The following MYH8 variants were observed in gnomAD, a reference collection of about 807,000 sequenced individuals.
MYH8 encodes myosin heavy chain 8, also known as myosin-8.
Under a neutral mutation model 233.2 loss-of-function variants are expected in MYH8, and 168 were observed. The observed-to-expected ratio is 0.72, with a 90% CI of 0.64 to 0.82. The LOEUF is 0.82. Among genes scored for constraint, MYH8 ranks in the 40% least tolerant of loss-of-function variants. The pLI, the probability that MYH8 is intolerant of heterozygous loss-of-function variation, is 0.00. For missense variants in MYH8, 1,995 were observed against 2,327.8 expected (o/e 0.86, Z 2.94); for synonymous variants, 785 against 850.6 (o/e 0.92, Z 1.34).
At chr17:10,407,064 C>T in intron 17 of MYH8, 85 bp from the exon 18 acceptor site, 1 of 978,908 alleles carries the variant, frequency 1.0e-6, no homozygotes, top group Non-Finnish European at 1.6e-6. Context: ...CCTAGACAGT[C>T]CTTTAACTAC....
Position 10,414,478 on chromosome 17 carries a change from A to C in MYH8, c.812T>G (p.Leu271Ter). 6.2e-7 allele frequency: 1 copy of C among 1,604,220 alleles called. No individual in the cohort carries two copies. Among genetic ancestry groups the C allele is most frequent in the Non-Finnish European group, 8.5e-7 (1 of 1,171,206 alleles). ...LASADIETYL[L>*]EKSRVTFQLK... is the part of the protein sequence containing the mutation. ...CTGGAAAGTAACTCTGGACTTTTCTAAAAGATCTGGAGAGGGAAATAGATA... is the reference window on the plus strand; with the variant it reads ...CTGGAAAGTAACTCTGGACTTTTCTCAAAGATCTGGAGAGGGAAATAGATA... The change falls in exon 10 of 40, where the codon TTA becomes TGA. Residue 271 changes from leucine to a stop codon, truncating the protein, a stop_gained. Coordinates refer to ENST00000403437, the MANE Select transcript of MYH8 (RefSeq NM_002472.3). LOFTEE classifies it high-confidence loss of function.
rs372076449 is a variant in MYH8, at chr17:10,420,038, C to T, written c.190G>A (p.Val64Ile). The T allele has an allele frequency of 2.2e-5, 36 of 1,614,030 alleles. No homozygotes were observed. The highest frequency in any genetic ancestry group is 2.7e-5 in the African/African-American group (2 of 74,932). Residue 64 changes from valine to isoleucine, a missense_variant, in exon 3 of 40, where the codon GTA becomes ATA. Coordinates refer to ENST00000403437, the MANE Select transcript of MYH8 (RefSeq NM_002472.3). ...IQSKEGGKVT[V>I]KTEGGATLTV... ...CTTACTGCTCCACCTTCAGTCTTTACGGTTACTTTCCCTCCTTCTTTGCTT... is the reference window on the plus strand; with the variant it reads ...CTTACTGCTCCACCTTCAGTCTTTATGGTTACTTTCCCTCCTTCTTTGCTT...
At chr17:10,407,578 C>T (rs953380355) in intron 17 of MYH8, among the ~76,000 whole-genome samples, 13 of 152,020 alleles carry the variant, frequency 8.6e-5, no homozygotes, top group Admixed American at 7.9e-4. Context: ...TGGTGGCTCA[C>T]GCCTGTAATC....
Position 10,398,548 on chromosome 17 carries a change from A to G in MYH8, c.4074T>C (p.Ala1358=), listed in dbSNP as rs1427254249. 6.2e-7 allele frequency: 1 copy of G among 1,614,196 alleles called. No individual in the cohort carries two copies. ...EQYEEEQEGK[A]ELQRALSKAN... is the part of the protein sequence containing the mutation. ...CCTTGGACAGCGCCCTCTGCAGCTC[A>G]GCTTTGCCTTCCTGCTCTTCCTCAT... is the stretch of plus-strand genomic sequence containing the variant. The change falls in exon 30 of 40, where the codon GCT becomes GCC. Residue 1358 remains alanine (A), a synonymous_variant. Coordinates refer to ENST00000403437, the MANE Select transcript of MYH8 (RefSeq NM_002472.3).
At chr17:10,406,846 C>T (rs1483935670) in intron 18 of MYH8, 39 bp from the exon 19 acceptor site, 1 of 1,612,956 alleles carries the variant, frequency 6.2e-7, no homozygotes, top group East Asian at 2.2e-5. Context: ...GGGCATTTAA[C>T]TTTCAAACCT....
At chr17:10,399,053 C>T (rs980397476) in intron 28 of MYH8, among the ~76,000 whole-genome samples, 167 bp from the exon 29 acceptor site, 26 of 146,932 alleles carry the variant, frequency 1.8e-4, no homozygotes, top group African/African-American at 6.2e-4. Flanking sequence ...ATGCTTGGGA[C>T]CAGAAGTGTT....
intron 2 of MYH8, among the ~76,000 whole-genome samples, chr17:10,420,620 T>C (rs1159160054): frequency 6.6e-6 from 1 of 152,262 alleles, no homozygotes; most frequent in African/African-American, 2.4e-5. Context: ...CTATGCCATA[T>C]GCCAGGACAA....
intron 33 of MYH8, among the ~76,000 whole-genome samples, chr17:10,395,915 G>A (rs1213026964): frequency 6.6e-6 from 1 of 152,012 alleles, no homozygotes; most frequent in African/African-American, 2.4e-5. Context: ...TTAATATGGT[G>A]TATTTTTTCT....
At chr17:10,398,697 C>T in intron 29 of MYH8, 57 bp from the exon 30 acceptor site, 1 of 1,614,044 alleles carries the variant, frequency 6.2e-7, no homozygotes, top group Non-Finnish European at 8.5e-7. Flanking sequence ...ATTTAACTTA[C>T]ACATCCCAAG....
chr17:10,418,751 C>T lies in MYH8; in HGVS notation c.405G>A (p.Pro135=), dbSNP rs775704195. ...CAGCCACCACCTCGGGCTTGTACAC[C>T]GGCAGCCACTTGTAGGGGTTGACGG... ...CVTVNPYKWL[P]VYKPEVVAAY... is the part of the protein sequence containing the mutation. The change falls in exon 5 of 40, where the codon CCG becomes CCA. Residue 135 remains proline (P), a synonymous_variant. Transcript: ENST00000403437. 33 of 1,613,764 alleles carry T rather than the reference C, an allele frequency of 2.0e-5. No homozygotes were observed. The highest frequency in any genetic ancestry group is 5.0e-5 in the Admixed American group (3 of 59,992).
In MYH8 at chr17:10,406,048, G is replaced by C. The variant is rs1015870097; in HGVS notation, c.2425C>G (p.Gln809Glu). ...LMRVEYQKML[Q>E]RREALFCIQY... Reference sequence around the variant, plus strand: ...ATTCTGAATGATTGTTACCTCCTTTGCAACATCTTCTGATATTCTACCCTC... The same window carrying C: ...ATTCTGAATGATTGTTACCTCCTTTCCAACATCTTCTGATATTCTACCCTC... The change falls in exon 21 of 40, where the codon CAA becomes GAA. Residue 809 changes from glutamine (Q) to glutamate (E), a missense_variant. Transcript: ENST00000403437. The C allele has an allele frequency of 1.9e-6, 3 of 1,613,654 alleles. No individual in the cohort carries two copies. The highest frequency in any genetic ancestry group is 2.5e-6 in the Non-Finnish European group (3 of 1,179,876).
rs754915968 is a variant in MYH8 at position 10,409,530 on chromosome 17, G to T, written c.1646C>A (p.Thr549Asn). 15 of 1,614,220 alleles carry T rather than the reference G, an allele frequency of 9.3e-6. 1 individual carries two copies. The East Asian group carries it at 1.8e-4, about 19-fold the overall frequency. ...EECMFPKATD[T>N]SFKNKLYDQH... ...GTCATACAGCTTGTTCTTGAAGGAGGTGTCCGTTGCCTTAGGGAACATGCA... is the reference window on the plus strand; with the variant it reads ...GTCATACAGCTTGTTCTTGAAGGAGTTGTCCGTTGCCTTAGGGAACATGCA... Residue 549 changes from threonine to asparagine, a missense_variant, in exon 16 of 40, where the codon ACC becomes AAC. By Grantham distance (65) the Thr-to-Asn change is moderately conservative (BLOSUM62 0). Coordinates refer to ENST00000403437, the MANE Select transcript of MYH8 (RefSeq NM_002472.3).
chr17:10,400,632 C>T lies in MYH8; in HGVS notation c.3493G>A (p.Glu1165Lys). The part of the protein sequence containing the change: ...EAGGATSAQV[E>K]LNKKREAEFQ... The stretch of plus-strand genomic sequence containing the variant: ...TCAGCCTCCCGCTTCTTGTTCAATT[C>T]CACCTGAGCAGAAGTTGCCCCACCG... The change falls in exon 27 of 40, where the codon GAA (glutamate) becomes AAA (lysine). Residue 1165 changes from glutamate to lysine, a missense_variant. Physicochemically the swap from Glu to Lys is moderately conservative, Grantham distance 56. Transcript: ENST00000403437. The surrounding 1 kb of genome is among the most constrained non-coding windows in gnomAD (Gnocchi z 4.0). 2 of 1,614,212 alleles carry T rather than the reference C, an allele frequency of 1.2e-6. No homozygotes were observed.
rs374797882 is a variant in MYH8, at chr17:10,405,956, C to T, written c.2432+85G>A. The stretch of plus-strand genomic sequence containing the variant: ...ATTGGGTGAGAGGAACTATTAGCCA[C>T]CAAATGAAAGAATTAATGAATGAAC... On this transcript the variant is annotated intron_variant, in intron 21 of 39. Coordinates refer to ENST00000403437, the MANE Select transcript of MYH8 (RefSeq NM_002472.3). The T allele has an allele frequency of 2.6e-6, 4 of 1,536,940 alleles. No homozygotes were observed. The East Asian group carries it at 6.7e-5, about 26-fold the overall frequency.
Position 10,392,626 on chromosome 17 carries a change from C to T in MYH8, c.5484G>A (p.Glu1828=), listed in dbSNP as rs111382614. 663 of 1,614,102 alleles carry T rather than the reference C, an allele frequency of 4.1e-4. 3 individuals are homozygous for T. The African/African-American group carries it at 7.9e-3, about 19-fold the overall frequency. ...CATTACGTTTCTGTTCATTTTCAAC[C>T]TCTCCTTCAAGCTCACGTACCTGCA... ...LEARVRELEG[E]VENEQKRNAE... Residue 1828 remains glutamate (E), a synonymous_variant, in exon 38 of 40, where the codon GAG becomes GAA. Coordinates refer to ENST00000403437, the MANE Select transcript of MYH8 (RefSeq NM_002472.3).
chr17:10,419,949 A>G lies in MYH8; in HGVS notation c.210+69T>C, dbSNP rs2072321685. ...ATTGGCAACAGGCTTGGAGATTCCC[A>G]GTAAGTTAGGCTTCAACTTTTGAAC... On this transcript the variant is annotated intron_variant, in intron 3 of 39. Coordinates refer to ENST00000403437, the MANE Select transcript of MYH8 (RefSeq NM_002472.3). This position sits in a 1 kb window ranked among gnomAD's most constrained non-coding sequence, Gnocchi z 4.0. 3 of 1,519,378 alleles carry G rather than the reference A, an allele frequency of 2.0e-6. No homozygotes were observed. The highest frequency in any genetic ancestry group is 1.7e-5 in the Admixed American group (1 of 59,904). The allele number at this position is 1,519,378 out of a possible 1,614,324, so 94.1% of individuals were successfully genotyped here.
rs1435543050 is a variant in MYH8 at position 10,417,960 on chromosome 17, AG to A, written c.511+684del. Among the ~76,000 whole-genome samples the A allele has an allele frequency of 5.3e-5, 8 of 152,356 alleles. No homozygotes were observed. Among genetic ancestry groups the A allele is most frequent in the African/African-American group, 1.7e-4 (7 of 41,596 alleles). On this transcript the variant is annotated intron_variant, in intron 5 of 39. Transcript: ENST00000403437. This position sits in a 1 kb window ranked among gnomAD's most constrained non-coding sequence, Gnocchi z 4.1. ...AGGAATAGAAAGTATTTCCAAAGGCAGTGCATTTGGTGTGTGAAGATAAAAG... is the reference window on the plus strand; with the variant it reads ...AGGAATAGAAAGTATTTCCAAAGGCATGCATTTGGTGTGTGAAGATAAAAG...
At chr17:10,418,061 G>T (rs1384340946) in intron 5 of MYH8, among the ~76,000 whole-genome samples, 1 of 152,208 alleles carries the variant, frequency 6.6e-6, no homozygotes, top group Non-Finnish European at 1.5e-5. Flanking sequence ...AGGAGTAACA[G>T]ACTTTGATAC....
At chr17:10,416,777 AT>A (rs1488213082) in intron 5 of MYH8, among the ~76,000 whole-genome samples, 4 of 152,180 alleles carry the variant, frequency 2.6e-5, no homozygotes, top group African/African-American at 9.6e-5. Context: ...GGTTATTAAT[AT>A]TTGGCCAATT....
Sources: gnomAD v4.1 joint callset for allele counts (sites outside exome capture counted in the v4.1 genomes callset) on GRCh38, gnomAD v4.1.1 for gene constraint, Gnocchi (gnomAD v3.1) non-coding constraint, MANE v1.5 for transcripts, NCBI Gene and HGNC (gene_info 2026-07-23, HGNC 2026-07-21) for gene names.